The following LRFN5 variants were observed in gnomAD, a reference collection of about 807,000 sequenced individuals.
LRFN5 encodes leucine-rich repeat and fibronectin type-III domain-containing protein 5.
In LRFN5, 24 loss-of-function variants were observed where a neutral mutation model predicts 45.6. That is an observed-to-expected ratio of 0.53 (90% CI 0.38 to 0.74). The LOEUF (loss-of-function observed/expected upper bound fraction) is 0.74, where lower values mean the gene tolerates loss of function less well. LRFN5 is among the 30% of genes least tolerant of loss of function. The pLI, the probability that LRFN5 is intolerant of heterozygous loss-of-function variation, is 0.00. For synonymous variants in LRFN5, 340 were observed against 313.8 expected, an observed-to-expected ratio of 1.08 and a Z score of -0.88; for missense variants, 776 against 861.5, an observed-to-expected ratio of 0.90 and a Z score of 1.24.
chr14:41,805,740 G>A (rs1366826449), intron 2 of LRFN5, among the ~76,000 whole-genome samples: 2 of 152,018 alleles, frequency 1.3e-5, no homozygotes, highest in Non-Finnish European at 2.9e-5. Flanking sequence ...ACCAAACACC[G>A]TATAAGTTTT....
intron 1 of LRFN5, among the ~76,000 whole-genome samples, chr14:41,734,560 A>C (rs1340185966): frequency 1.3e-5 from 2 of 150,698 alleles, no homozygotes; most frequent in Non-Finnish European, 3.0e-5. Flanking sequence ...AGAGAGGTGA[A>C]GTAAGCTTCT....
At chr14:41,699,014 A>C (rs775518580) in intron 1 of LRFN5, among the ~76,000 whole-genome samples, 1 of 152,046 alleles carries the variant, frequency 6.6e-6, no homozygotes, top group Non-Finnish European at 1.5e-5. Context: ...TAAGCCAATA[A>C]ATTTATGAGA....
intron 2 of LRFN5, among the ~76,000 whole-genome samples, chr14:41,799,973 G>A (rs1887268687): frequency 6.6e-6 from 1 of 151,918 alleles, no homozygotes; most frequent in African/African-American, 2.4e-5. Flanking sequence ...AAAGGAAAAG[G>A]GACAGGGAAG....
intron 1 of LRFN5, among the ~76,000 whole-genome samples, chr14:41,744,903 TG>T (rs1360513877): frequency 6.6e-6 from 1 of 152,042 alleles, no homozygotes; most frequent in East Asian, 1.9e-4. Flanking sequence ...AAGTAAAAAC[TG>T]ATGGAATTGA....
chr14:41,629,615 G>T (rs1401832015), intron 1 of LRFN5, among the ~76,000 whole-genome samples: 1 of 152,072 alleles, frequency 6.6e-6, no homozygotes, highest in African/African-American at 2.4e-5. Flanking sequence ...TCATGTTTTG[G>T]TGTCTTTGCT....
intron 1 of LRFN5, among the ~76,000 whole-genome samples, chr14:41,679,900 C>T (rs913708238): frequency 1.3e-5 from 2 of 152,042 alleles, no homozygotes; most frequent in African/African-American, 4.8e-5. Flanking sequence ...AGGGAAAGTC[C>T]CAGGTTTGGC....
At chr14:41,661,766 G>A (rs1880666395) in intron 1 of LRFN5, among the ~76,000 whole-genome samples, 1 of 152,038 alleles carries the variant, frequency 6.6e-6, no homozygotes, top group Admixed American at 6.6e-5. Flanking sequence ...AGTGGCAGGA[G>A]CAGAATGTGG....
chr14:41,822,024 G>T lies in LRFN5; in HGVS notation c.-21+54995G>T, dbSNP rs562286748. Among the ~76,000 whole-genome samples, 37 of 151,862 alleles carry T rather than the reference G, an allele frequency of 2.4e-4. No individual in the cohort carries two copies. The South Asian group carries it at 7.7e-3, about 32-fold the overall frequency. On this transcript the variant is annotated intron_variant, in intron 2 of 5. Coordinates refer to ENST00000298119, the MANE Select transcript of LRFN5 (RefSeq NM_152447.5). Reference sequence around the variant, plus strand: ...TTGTAATGTCTTGTTTTTCAACTTTGATTGTGCTTATTTGAATCTTCTCCC... The same window carrying T: ...TTGTAATGTCTTGTTTTTCAACTTTTATTGTGCTTATTTGAATCTTCTCCC...
intron 1 of LRFN5, among the ~76,000 whole-genome samples, chr14:41,624,936 A>G (rs1888273915): frequency 2.6e-5 from 4 of 151,814 alleles, no homozygotes. Flanking sequence ...CTTATTTGCA[A>G]AGAGTTGACT....
At chr14:41,841,916 C>T (rs1054990072) in intron 2 of LRFN5, among the ~76,000 whole-genome samples, 14 of 151,834 alleles carry the variant, frequency 9.2e-5, no homozygotes, top group African/African-American at 3.4e-4. Flanking sequence ...TCAAAACTCA[C>T]TATGCCCTAA....
At chr14:41,686,873 G>A (rs889294333) in intron 1 of LRFN5, among the ~76,000 whole-genome samples, 2 of 152,172 alleles carry the variant, frequency 1.3e-5, no homozygotes, top group African/African-American at 4.8e-5. Flanking sequence ...GTATTTTAGT[G>A]AGGATTGTCC....
At position 41,649,638 on chromosome 14, in the gene LRFN5, T is replaced by A. The variant is rs59569914; in HGVS notation, c.-197+41076T>A. ...CCCCATCCTCAATATCTGATCATCT[T>A]TGATATTTTATCAGGTTCCTCATCC... On this transcript the variant is annotated intron_variant, in intron 1 of 5. Transcript: ENST00000298119. Among the ~76,000 whole-genome samples the A allele has an allele frequency of 5.0e-3, 761 of 152,254 alleles. 4 individuals carry two copies. Among genetic ancestry groups the A allele is most frequent in the African/African-American group, 0.018 (739 of 41,536 alleles).
At chr14:41,888,213 A>T (rs573151886) in intron 3 of LRFN5, among the ~76,000 whole-genome samples, 151 of 152,226 alleles carry the variant, frequency 9.9e-4, no homozygotes, top group African/African-American at 3.3e-3. Flanking sequence ...TTCAATTTAT[A>T]TTTAATATTA....
At chr14:41,630,214 A>G (rs898482709) in intron 1 of LRFN5, among the ~76,000 whole-genome samples, 7 of 152,152 alleles carry the variant, frequency 4.6e-5, no homozygotes, top group Admixed American at 2.0e-4. Context: ...TCAATAAAGA[A>G]GTAAGGGGAA....
intron 1 of LRFN5, among the ~76,000 whole-genome samples, chr14:41,751,650 G>A (rs572256943): frequency 6.6e-6 from 1 of 152,078 alleles, no homozygotes; most frequent in Non-Finnish European, 1.5e-5. Flanking sequence ...TTGACTTTGA[G>A]CATAGGGTTA....
chr14:41,684,019 G>C (rs1882014812), intron 1 of LRFN5, among the ~76,000 whole-genome samples: 2 of 152,168 alleles, frequency 1.3e-5, no homozygotes, highest in South Asian at 2.1e-4. Context: ...AATAAAACTG[G>C]TGGAATCATA....
At chr14:41,738,639 G>A (rs561409833) in intron 1 of LRFN5, among the ~76,000 whole-genome samples, 1 of 152,058 alleles carries the variant, frequency 6.6e-6, no homozygotes, top group African/African-American at 2.4e-5. Context: ...AAAATCCAGT[G>A]ACAGTCTTTT....
chr14:41,650,339 G>A (rs1444855297), intron 1 of LRFN5, among the ~76,000 whole-genome samples: 1 of 151,450 alleles, frequency 6.6e-6, no homozygotes, highest in East Asian at 1.9e-4. Flanking sequence ...AATATAAATT[G>A]CCAATATTAA....
At chr14:41,816,198 A>T (rs2139002270) in intron 2 of LRFN5, among the ~76,000 whole-genome samples, 1 of 151,898 alleles carries the variant, frequency 6.6e-6, no homozygotes, top group South Asian at 2.1e-4. Context: ...TTATAATGAC[A>T]AAATAATTCT....
Sources: gnomAD v4.1 joint callset for allele counts (sites outside exome capture counted in the v4.1 genomes callset) on GRCh38, gnomAD v4.1.1 for gene constraint, MANE v1.5 for transcripts, NCBI Gene and HGNC (gene_info 2026-07-23, HGNC 2026-07-21) for gene names.